Variants in SYT14 observed in about 807,000 individuals in gnomAD.
SYT14 encodes synaptotagmin-14.
In SYT14, 32 loss-of-function variants were observed where a neutral mutation model predicts 74.2. The observed-to-expected ratio is 0.43, with a 90% CI of 0.33 to 0.58. The LOEUF (loss-of-function observed/expected upper bound fraction) is 0.58, where lower values mean the gene tolerates loss of function less well. Among genes scored for constraint, SYT14 ranks in the 20% least tolerant of loss-of-function variants. The probability of loss-of-function intolerance (pLI) is 0.05; values close to 1 mark genes in which losing one functional copy is unlikely to be tolerated. For synonymous variants in SYT14, 298 were observed against 337.7 expected, an observed-to-expected ratio of 0.88 and a Z score of 1.29; for missense variants, 791 against 981.8, an observed-to-expected ratio of 0.81 and a Z score of 2.60.
At chr1:209,987,716 C>T (rs7517019) in intron 2 of SYT14, among the ~76,000 whole-genome samples, 81,802 of 151,668 alleles carry the variant, frequency 0.54, 23,230 homozygotes, top group African/African-American at 0.72. Context: ...TCACCTTTTG[C>T]TTTTCAAAGA....
At chr1:210,070,854 A>G (rs755460412) in intron 5 of SYT14, among the ~76,000 whole-genome samples, 1 of 150,788 alleles carries the variant, frequency 6.6e-6, no homozygotes, top group African/African-American at 2.4e-5. Context: ...AAGCTGATTT[A>G]GGTGGATACA....
chr1:210,118,208 T>A (rs998537018), intron 7 of SYT14, among the ~76,000 whole-genome samples: 3 of 152,120 alleles, frequency 2.0e-5, no homozygotes, highest in African/African-American at 7.2e-5. Context: ...TATTCTGTAG[T>A]TAAGTATGCT....
At chr1:210,102,839 G>A (rs1431091774) in intron 7 of SYT14, among the ~76,000 whole-genome samples, 1 of 151,746 alleles carries the variant, frequency 6.6e-6, no homozygotes, top group Non-Finnish European at 1.5e-5. Flanking sequence ...ACACCACCAG[G>A]CCTGGCTAAT....
At chr1:210,091,820 A>G (rs185092209) in intron 5 of SYT14, among the ~76,000 whole-genome samples, 2 of 152,168 alleles carry the variant, frequency 1.3e-5, no homozygotes, top group African/African-American at 2.4e-5. Flanking sequence ...TAAGCCAATT[A>G]TGGTCATCCC....
intron 2 of SYT14, among the ~76,000 whole-genome samples, chr1:209,955,470 G>A (rs2102691547): frequency 6.6e-6 from 1 of 152,172 alleles, no homozygotes; most frequent in South Asian, 2.1e-4. Flanking sequence ...TACCTGCAAA[G>A]TATATTTTTT....
At chr1:210,091,545 C>T (rs1238203461) in intron 5 of SYT14, among the ~76,000 whole-genome samples, 1 of 152,076 alleles carries the variant, frequency 6.6e-6, no homozygotes, top group Non-Finnish European at 1.5e-5. Flanking sequence ...TTAAAATTAG[C>T]CAGGCATGGT....
intron 5 of SYT14, among the ~76,000 whole-genome samples, chr1:210,065,210 G>A (rs148663497): frequency 7.8e-4 from 119 of 152,016 alleles, no homozygotes; most frequent in African/African-American, 2.6e-3. Context: ...CTATGGTTTC[G>A]CTTTGTCCCC....
At chr1:209,975,609 T>C (rs1269546856) in intron 2 of SYT14, among the ~76,000 whole-genome samples, 1 of 152,252 alleles carries the variant, frequency 6.6e-6, no homozygotes, top group African/African-American at 2.4e-5. Context: ...GGTTTGCCAG[T>C]ATTTTATTGA....
rs146457617 is a variant in SYT14 at position 210,149,261 on chromosome 1, T to C, written c.2035-6460T>C. 2.2e-4 allele frequency among the ~76,000 whole-genome samples: 33 copies of C among 148,166 alleles called. 1 individual carries two copies. The East Asian group carries it at 6.2e-3, about 28-fold the overall frequency. ...GTACAATGGCATGATGTCGGCTCAC[T>C]GCAACCTCCACCTCGCAGGTTCAAG... On this transcript the variant is annotated intron_variant, in intron 7 of 9. Coordinates refer to ENST00000637265, the Ensembl canonical transcript of SYT14.
intron 2 of SYT14, among the ~76,000 whole-genome samples, chr1:209,976,262 C>G (rs2079361765): frequency 6.7e-6 from 1 of 148,854 alleles, no homozygotes; most frequent in African/African-American, 2.5e-5. Context: ...AATGTGTTTG[C>G]TCTTGCTTCT....
chr1:209,941,280 A>T (rs1011249737), intron 1 of SYT14, among the ~76,000 whole-genome samples: 1 of 152,256 alleles, frequency 6.6e-6, no homozygotes, highest in African/African-American at 2.4e-5. Flanking sequence ...GAGTTACCAC[A>T]TGGAGCTAAC....
intron 2 of SYT14, among the ~76,000 whole-genome samples, chr1:210,000,466 G>GCGCGCACACACACA (rs1553264180): frequency 3.5e-5 from 5 of 143,200 alleles, no homozygotes; most frequent in African/African-American, 1.3e-4. Flanking sequence ...GTCCTCATAC[G>GCGCGCACACACACA]CACACACACA....
At chr1:210,051,849 A>G (rs190171194) in intron 5 of SYT14, among the ~76,000 whole-genome samples, 406 of 152,336 alleles carry the variant, frequency 2.7e-3, no homozygotes, top group Non-Finnish European at 4.4e-3. Context: ...GGATATTAAT[A>G]TCAGATTCTT....
intron 2 of SYT14, among the ~76,000 whole-genome samples, chr1:210,013,048 A>G (rs2080115674): frequency 6.7e-6 from 1 of 149,256 alleles, no homozygotes. Context: ...TCTTCGATGG[A>G]TTAAACATAT....
At chr1:210,057,429 C>A (rs2081120921) in intron 5 of SYT14, among the ~76,000 whole-genome samples, 1 of 152,160 alleles carries the variant, frequency 6.6e-6, no homozygotes, top group African/African-American at 2.4e-5. Flanking sequence ...TTCTTGCCAA[C>A]ACTCTCACAG....
rs2078932395 is a variant in SYT14, at chr1:209,952,769, T to C, written c.-486+13T>C. The C allele has an allele frequency of 3.1e-6, 5 of 1,602,620 alleles. No homozygotes were observed. In the African/African-American group the frequency reaches 5.3e-5, roughly 17 times the overall value. ...TGTATTAGAAAAGGTAAGTCATTGC[T>C]CTGCATGGCTATTTACATACTAAAT... On this transcript the variant is annotated intron_variant, in intron 2 of 9. Transcript: ENST00000637265.
At chr1:210,148,695 G>C (rs2083094983) in intron 7 of SYT14, among the ~76,000 whole-genome samples, 1 of 152,100 alleles carries the variant, frequency 6.6e-6, no homozygotes, top group African/African-American at 2.4e-5. Flanking sequence ...AATTCAGCCA[G>C]TAGCCAGAGT....
chr1:209,957,255 T>C (rs535491232), intron 2 of SYT14, among the ~76,000 whole-genome samples: 2 of 152,332 alleles, frequency 1.3e-5, no homozygotes, highest in East Asian at 1.9e-4. Flanking sequence ...CTCGTAGCTT[T>C]TCTCTTCCTT....
chr1:209,952,022 A>C (rs929250193), intron 1 of SYT14, among the ~76,000 whole-genome samples: 2 of 152,196 alleles, frequency 1.3e-5, no homozygotes, highest in Admixed American at 1.3e-4. Context: ...CTGGAATGCC[A>C]GCAAAGTTCT....
Sources: gnomAD v4.1 joint callset for allele counts (sites outside exome capture counted in the v4.1 genomes callset) on GRCh38, gnomAD v4.1.1 for gene constraint, MANE v1.5 for transcripts, NCBI Gene and HGNC (gene_info 2026-07-23, HGNC 2026-07-21) for gene names.